The following MYO1D variants were observed in gnomAD, a reference collection of about 807,000 sequenced individuals.
The protein encoded by MYO1D is unconventional myosin-Id.
A neutral mutation model predicts 122.0 loss-of-function variants in MYO1D; 83 were observed. That is an observed-to-expected ratio of 0.68 (90% CI 0.57 to 0.82). The LOEUF (loss-of-function observed/expected upper bound fraction) is 0.82. Among genes scored for constraint, MYO1D ranks in the 40% least tolerant of loss-of-function variants. The probability of loss-of-function intolerance (pLI) is 0.00; values close to 1 mark genes in which losing one functional copy is unlikely to be tolerated. For missense variants in MYO1D, 1,157 were observed against 1,269.5 expected (o/e 0.91, Z 1.35); for synonymous variants, 464 against 446.9 (o/e 1.04, Z -0.48).
chr17:32,637,719 G>T (rs2088124319), intron 20 of MYO1D, among the ~76,000 whole-genome samples: 1 of 152,004 alleles, frequency 6.6e-6, no homozygotes, highest in African/African-American at 2.4e-5. Flanking sequence ...TTTAGCCTTA[G>T]TTGCAATCTA....
Position 32,707,792 on chromosome 17 carries a change from G to A in MYO1D, c.2121+4196C>T, listed in dbSNP as rs551175292. On this transcript the variant is annotated intron_variant, in intron 16 of 21. Coordinates refer to ENST00000318217, the MANE Select transcript of MYO1D (RefSeq NM_015194.3). ...TCCCTTCTGAGAATCTGGAATTTTG[G>A]TACATGATAGGCAGAAGGTGCCTAA... 1.5e-4 allele frequency among the ~76,000 whole-genome samples: 23 copies of A among 152,312 alleles called. 1 individual carries two copies. The highest frequency in any genetic ancestry group is 5.5e-4 in the African/African-American group (23 of 41,572).
chr17:32,787,289 A>T (rs910298865), intron 1 of MYO1D, among the ~76,000 whole-genome samples: 2 of 151,948 alleles, frequency 1.3e-5, no homozygotes, highest in African/African-American at 2.4e-5. Flanking sequence ...AAAATCTTAA[A>T]TTTTTTTTAC....
chr17:32,848,175 C>T (rs1348969799), intron 1 of MYO1D, among the ~76,000 whole-genome samples: 1 of 152,126 alleles, frequency 6.6e-6, no homozygotes, highest in East Asian at 1.9e-4. Context: ...AGGAAAAATG[C>T]TATAAAACAT....
chr17:32,691,525 G>C (rs2150974219), intron 16 of MYO1D, among the ~76,000 whole-genome samples: 1 of 150,228 alleles, frequency 6.7e-6, no homozygotes, highest in East Asian at 2.0e-4. Context: ...TCCTGCCTCA[G>C]CCTCCCGAGT....
At chr17:32,503,797 G>C (rs1382950122) in intron 21 of MYO1D, among the ~76,000 whole-genome samples, 1 of 152,204 alleles carries the variant, frequency 6.6e-6, no homozygotes, top group Non-Finnish European at 1.5e-5. Context: ...GGAGCATCAG[G>C]AGCTCATGAC....
At chr17:32,622,040 C>T (rs956355616) in intron 20 of MYO1D, among the ~76,000 whole-genome samples, 1 of 152,160 alleles carries the variant, frequency 6.6e-6, no homozygotes, top group African/African-American at 2.4e-5. Context: ...TGTTACAGCA[C>T]CCCATGCTAA....
intron 16 of MYO1D, among the ~76,000 whole-genome samples, chr17:32,695,559 G>C (rs2089161407): frequency 6.6e-6 from 1 of 152,118 alleles, no homozygotes; most frequent in Admixed American, 6.5e-5. Context: ...CTTCCAGTAG[G>C]ACTTCCAATG....
intron 16 of MYO1D, 38 bp from the exon 17 acceptor site, chr17:32,659,376 C>T: frequency 1.3e-6 from 2 of 1,598,124 alleles, no homozygotes; most frequent in Non-Finnish European, 1.7e-6. Context: ...ACGTTATTGA[C>T]CGGCTGAGTT....
intron 21 of MYO1D, chr17:32,531,330 T>G (rs1296473818): frequency 2.0e-5 from 3 of 152,108 alleles, no homozygotes; most frequent in Non-Finnish European, 4.4e-5. Flanking sequence ...ACACAGAGAC[T>G]GAGAGGAGTG....
intron 21 of MYO1D, among the ~76,000 whole-genome samples, chr17:32,560,039 G>A (rs781131393): frequency 4.0e-4 from 61 of 152,074 alleles, no homozygotes; most frequent in Non-Finnish European, 6.8e-4. Flanking sequence ...GGCAGATCAC[G>A]AGGTCAGGAG....
intron 1 of MYO1D, 99 bp from the exon 2 acceptor site, chr17:32,780,883 C>G: frequency 8.5e-7 from 1 of 1,177,312 alleles, no homozygotes; most frequent in Non-Finnish European, 1.2e-6. Context: ...TCCAAATATC[C>G]TAGGAATGAT....
chr17:32,568,948 C>G (rs796359256), intron 21 of MYO1D, among the ~76,000 whole-genome samples: 1 of 152,216 alleles, frequency 6.6e-6, no homozygotes, highest in Non-Finnish European at 1.5e-5. Context: ...CCTCTCTAGA[C>G]TGGGAACTCC....
intron 19 of MYO1D, among the ~76,000 whole-genome samples, chr17:32,643,037 C>A (rs1376528550): frequency 1.3e-5 from 2 of 152,286 alleles, no homozygotes; most frequent in East Asian, 3.9e-4. Context: ...TTTGCCCATT[C>A]AGTATGATAT....
chr17:32,768,216 C>A (rs185128086), intron 6 of MYO1D, among the ~76,000 whole-genome samples: 124 of 152,290 alleles, frequency 8.1e-4, no homozygotes, highest in African/African-American at 2.7e-3. Flanking sequence ...GTTTATTTTC[C>A]AGGTGAGGCA....
intron 11 of MYO1D, among the ~76,000 whole-genome samples, chr17:32,754,573 A>G (rs1160512581): frequency 2.0e-5 from 3 of 152,270 alleles, no homozygotes; most frequent in Non-Finnish European, 4.4e-5. Context: ...TTCTGATTAC[A>G]TAATTTCAAA....
At chr17:32,809,885 A>G (rs1320897676) in intron 1 of MYO1D, among the ~76,000 whole-genome samples, 1 of 152,256 alleles carries the variant, frequency 6.6e-6, no homozygotes, top group African/African-American at 2.4e-5. Context: ...TAATCTATAC[A>G]GTATTTGCAG....
At chr17:32,573,132 T>C (rs935890957) in intron 21 of MYO1D, among the ~76,000 whole-genome samples, 1 of 152,232 alleles carries the variant, frequency 6.6e-6, no homozygotes, top group African/African-American at 2.4e-5. Context: ...TTCTATACTT[T>C]GGTTAAGATT....
intron 21 of MYO1D, among the ~76,000 whole-genome samples, chr17:32,511,246 G>A (rs527491889): frequency 4.4e-4 from 66 of 151,590 alleles, no homozygotes; most frequent in Middle Eastern, 3.4e-3. Context: ...TTGGAAACAG[G>A]GTCTTGCTGC....
chr17:32,825,302 A>T (rs2090711178), intron 1 of MYO1D, among the ~76,000 whole-genome samples: 1 of 151,374 alleles, frequency 6.6e-6, no homozygotes, highest in South Asian at 2.1e-4. Flanking sequence ...ATTTTATTTT[A>T]TTTTTTTGAC....
Sources: allele counts gnomAD v4.1 joint callset (sites outside exome capture counted in the v4.1 genomes callset), GRCh38; gene constraint gnomAD v4.1.1; transcripts MANE v1.5; gene names NCBI Gene and HGNC (gene_info 2026-07-23, HGNC 2026-07-21).